Variants in KDM2B observed in about 807,000 individuals in gnomAD.
KDM2B encodes lysine demethylase 2B.
A neutral mutation model predicts 150.0 loss-of-function variants in KDM2B; 26 were observed. The ratio of observed to expected loss-of-function variants is 0.17; its 90% CI spans 0.13 to 0.24. KDM2B has a LOEUF of 0.24. Among genes scored for constraint, KDM2B ranks in the 10% least tolerant of loss-of-function variants. The pLI, the probability that KDM2B is intolerant of heterozygous loss-of-function variation, is 1.00. For missense variants in KDM2B, 1,265 were observed against 1,816.9 expected (o/e 0.70, Z 5.52); for synonymous variants, 734 against 729.5 (o/e 1.01, Z -0.10).
At chr12:121,423,358 G>A in the KDM2B span, 13 of 1,559,250 alleles carry the variant, frequency 8.3e-6, no homozygotes, top group Admixed American at 3.6e-5. The surrounding 1 kb of genome is among the most constrained non-coding windows in gnomAD (Gnocchi z 4.3). Context: ...GCCTGAAGCC[G>A]AGGCCTTAGC....
chr12:121,430,192 G>A lies in KDM2B; in HGVS notation c.*96C>T. ...GCAAAATGGAATTGCGTTGTGGTCT[G>A]TTGTCCCACGTTCCAAATGGAAAAT... On this transcript the variant is annotated 3_prime_UTR_variant, in exon 23 of 23. Coordinates refer to ENST00000377071, the MANE Select transcript of KDM2B (RefSeq NM_032590.5). This position sits in a 1 kb window ranked among gnomAD's most constrained non-coding sequence, Gnocchi z 4.4. 2 of 1,614,194 alleles carry A rather than the reference G, an allele frequency of 1.2e-6. No individual in the cohort carries two copies. Among genetic ancestry groups the A allele is most frequent in the Non-Finnish European group, 1.7e-6 (2 of 1,180,038 alleles).
At chr12:121,437,404 G>C (rs1555287049) in intron 22 of KDM2B, among the ~76,000 whole-genome samples, 1 of 151,508 alleles carries the variant, frequency 6.6e-6, no homozygotes, top group African/African-American at 2.4e-5. Context: ...AATTGGAAAA[G>C]ATGGAGGGAG....
At chr12:121,559,939 T>C (rs1555313582) in intron 4 of KDM2B, among the ~76,000 whole-genome samples, 1 of 151,842 alleles carries the variant, frequency 6.6e-6, no homozygotes, top group Non-Finnish European at 1.5e-5. Flanking sequence ...CTATGATATA[T>C]ATATGAAACA....
intron 11 of KDM2B, among the ~76,000 whole-genome samples, chr12:121,496,080 A>G (rs1411999220): frequency 6.6e-6 from 1 of 152,074 alleles, no homozygotes; most frequent in South Asian, 2.1e-4. Context: ...GCTAACTTAC[A>G]GGGGAGGTTA....
chr12:121,505,565 C>A (rs1884992805), intron 11 of KDM2B, among the ~76,000 whole-genome samples: 1 of 152,058 alleles, frequency 6.6e-6, no homozygotes, highest in Non-Finnish European at 1.5e-5. Flanking sequence ...CAAAATCACA[C>A]AAATGAAAGA....
In KDM2B at chr12:121,549,068, C is replaced by A. The variant is rs532626347; in HGVS notation, c.577-85G>T. The A allele has an allele frequency of 2.4e-5, 25 of 1,040,828 alleles. No homozygotes were observed. Among genetic ancestry groups the A allele is most frequent in the African/African-American group, 7.8e-5 (5 of 63,968 alleles). 64.5% of individuals were successfully genotyped at this position (1,040,828 alleles called of 1,614,324 possible). A position where few individuals can be genotyped will look rare whatever the true frequency, so the allele number is the denominator to read the frequency against. On this transcript the variant is annotated intron_variant, in intron 5 of 22. Coordinates refer to ENST00000377071, the MANE Select transcript of KDM2B (RefSeq NM_032590.5). The surrounding 1 kb of genome is among the most constrained non-coding windows in gnomAD (Gnocchi z 4.4). ...CCCTTTCCCCGGAGAGTCCTTGGGC[C>A]CCCCCGCTCCCCCAATCTACTGTGG...
At chr12:121,491,471 T>C (rs1292874727) in intron 12 of KDM2B, among the ~76,000 whole-genome samples, 9 of 152,168 alleles carry the variant, frequency 5.9e-5, no homozygotes, top group African/African-American at 2.2e-4. Flanking sequence ...TTTGTGGCTC[T>C]GAAGTTATTT....
intron 6 of KDM2B, chr12:121,535,944 T>C (rs750467039): frequency 1.1e-5 from 6 of 570,926 alleles, no homozygotes; most frequent in South Asian, 7.7e-5. Flanking sequence ...GTGGCACGGA[T>C]GGGCAGCCTC....
Position 121,442,746 on chromosome 12 carries a change from C to T in KDM2B, c.2695G>A (p.Glu899Lys), listed in dbSNP as rs782299309. The T allele has an allele frequency of 1.3e-6, 2 of 1,555,764 alleles. No individual in the cohort carries two copies. Among genetic ancestry groups the T allele is most frequent in the African/African-American group, 1.4e-5 (1 of 72,360 alleles). Residue 899 changes from glutamate to lysine, a missense_variant, in exon 19 of 23, where the codon GAG (glutamate) becomes AAG (lysine). Physicochemically the swap from Glu to Lys is moderately conservative, Grantham distance 56. Coordinates refer to ENST00000377071, the MANE Select transcript of KDM2B (RefSeq NM_032590.5). The surrounding 1 kb of genome is among the most constrained non-coding windows in gnomAD (Gnocchi z 7.7). Reference protein sequence around the residue: ...FKQEPEDELPEAPPKTRESDH... With the variant: ...FKQEPEDELPKAPPKTRESDH... ...CTCTCCCTGGTCTTGGGGGGCGCCT[C>T]GGGCAGTTCGTCCTCGGGTTCCTGC...
chr12:121,492,958 C>T (rs1555300206), intron 12 of KDM2B, among the ~76,000 whole-genome samples: 1 of 151,516 alleles, frequency 6.6e-6, no homozygotes. Context: ...TGCAGTGGTG[C>T]AATCACAGCT....
Position 121,513,611 on chromosome 12 carries a change from G to A in KDM2B, c.1048-209C>T, listed in dbSNP as rs1885777360. 1.3e-5 allele frequency among the ~76,000 whole-genome samples: 2 copies of A among 152,144 alleles called. No individual in the cohort carries two copies. The highest frequency in any genetic ancestry group is 1.3e-4 in the Admixed American group (2 of 15,282). ...GAGGCGGAGGACGAGGCCCGCATGA[G>A]CGCCTCATCTCAAAGGTCCCTGAGC... On this transcript the variant is annotated intron_variant, in intron 9 of 22. Transcript: ENST00000377071. This position sits in a 1 kb window ranked among gnomAD's most constrained non-coding sequence, Gnocchi z 5.0.
the KDM2B span, chr12:121,415,205 TAG>T: frequency 4.6e-6 from 1 of 217,348 alleles, no homozygotes; most frequent in African/African-American, 2.3e-5. Context: ...CAAAAAAATC[TAG>T]AGAGAGTTTC....
intron 6 of KDM2B, 167 bp from the exon 7 acceptor site, chr12:121,534,757 G>T: frequency 1.7e-6 from 1 of 584,564 alleles, no homozygotes; most frequent in South Asian, 2.1e-5. Flanking sequence ...GTTCCCCACG[G>T]GGGAAGCCCC....
intron 11 of KDM2B, among the ~76,000 whole-genome samples, chr12:121,506,621 G>T (rs1885092129): frequency 6.6e-6 from 1 of 151,808 alleles, no homozygotes; most frequent in Non-Finnish European, 1.5e-5. Context: ...GGCCAACACG[G>T]TGAAACCCCC....
At chr12:121,527,496 C>CA (rs1422746736) in intron 8 of KDM2B, among the ~76,000 whole-genome samples, 2 of 149,910 alleles carry the variant, frequency 1.3e-5, no homozygotes, top group Non-Finnish European at 3.0e-5. Context: ...ACTAAAAATA[C>CA]AAAAAAAGTT....
rs1054276958 is a variant in KDM2B at position 121,518,452 on chromosome 12, G to A, written c.1047+2533C>T. On this transcript the variant is annotated intron_variant, in intron 9 of 22. Transcript: ENST00000377071. The surrounding 1 kb of genome is among the most constrained non-coding windows in gnomAD (Gnocchi z 4.4). ...CAGCCCAGTCTGCCCCCAAGCCCCC[G>A]CTGCCAGCCTGCTTCGGTGAAACCA... Among the ~76,000 whole-genome samples the A allele has an allele frequency of 3.9e-5, 6 of 152,142 alleles. No individual in the cohort carries two copies. Among genetic ancestry groups the A allele is most frequent in the Admixed American group, 1.3e-4 (2 of 15,274 alleles).
At chr12:121,564,912 TC>T (rs1385135763) in intron 4 of KDM2B, among the ~76,000 whole-genome samples, 1 of 152,048 alleles carries the variant, frequency 6.6e-6, no homozygotes, top group African/African-American at 2.4e-5. Flanking sequence ...CACTGCAGCC[TC>T]CGCCTCTGGG....
Position 121,442,071 on chromosome 12 carries a change from AGCATC to A in KDM2B, c.3284+81_3284+85del, listed in dbSNP as rs1875198264. On this transcript the variant is annotated intron_variant, in intron 19 of 22. Coordinates refer to ENST00000377071, the MANE Select transcript of KDM2B (RefSeq NM_032590.5). This position sits in a 1 kb window ranked among gnomAD's most constrained non-coding sequence, Gnocchi z 7.7. ...GCCATACTGGGGTTTGGAAGGAAAG[AGCATC>A]GCCAGCGACTCCACACACCACGGGC... 1 of 1,114,648 alleles carries A rather than the reference AGCATC, an allele frequency of 9.0e-7. No homozygotes were observed. The highest frequency in any genetic ancestry group is 1.3e-6 in the Non-Finnish European group (1 of 745,972). The allele number at this position is 1,114,648 out of a possible 1,614,324, so 69.0% of individuals were successfully genotyped here.
chr12:121,421,704 A>G, the KDM2B span, among the ~76,000 whole-genome samples: 1 of 152,134 alleles, frequency 6.6e-6, no homozygotes, highest in Non-Finnish European at 1.5e-5. Context: ...AAAAATATAT[A>G]TGTACTTAAT....
Sources: allele counts gnomAD v4.1 joint callset (sites outside exome capture counted in the v4.1 genomes callset), GRCh38; gene constraint gnomAD v4.1.1; non-coding constraint Gnocchi (gnomAD v3.1); transcripts MANE v1.5; gene names NCBI Gene and HGNC (gene_info 2026-07-23, HGNC 2026-07-21).